Variants in WDPCP observed in about 807,000 individuals in gnomAD.
WDPCP encodes WD repeat containing planar cell polarity effector, also known as WD repeat-containing and planar cell polarity effector protein fritz homolog.
WDPCP carries 71 observed loss-of-function variants against 93.1 expected under a neutral mutation model. The observed-to-expected ratio is 0.76, with a 90% confidence interval of 0.63 to 0.93. The LOEUF (loss-of-function observed/expected upper bound fraction) is 0.93, where lower values mean the gene tolerates loss of function less well. WDPCP is among the 40% of genes least tolerant of loss of function. WDPCP has a pLI of 0.00. For missense variants in WDPCP, 844 were observed against 887.4 expected, an observed-to-expected ratio of 0.95 and a Z score of 0.62; for synonymous variants, 315 against 315.0, an observed-to-expected ratio of 1.00 and a Z score of 0.00.
intron 2 of WDPCP, among the ~76,000 whole-genome samples, chr2:63,730,863 C>T (rs1385117942): frequency 6.6e-6 from 1 of 151,814 alleles, no homozygotes; most frequent in Non-Finnish European, 1.5e-5. Flanking sequence ...TGCTGAGTTC[C>T]AATCTTTAGA....
intron 3 of WDPCP, among the ~76,000 whole-genome samples, chr2:63,603,361 A>G (rs972616473): frequency 6.6e-6 from 1 of 152,174 alleles, no homozygotes; most frequent in Non-Finnish European, 1.5e-5. Context: ...CTTTTCTTAC[A>G]TGGTAAATAC....
At chr2:63,423,291 T>C (rs1001191525) in intron 9 of WDPCP, among the ~76,000 whole-genome samples, 3 of 152,220 alleles carry the variant, frequency 2.0e-5, no homozygotes, top group Non-Finnish European at 4.4e-5. Flanking sequence ...ACACAGTATA[T>C]GCATTTTTGG....
chr2:63,439,802 C>G lies in WDPCP; in HGVS notation c.454G>C (p.Asp152His). ...SGPQLEKVVIDRSLVGKLISD... is the reference protein window; with the variant it reads ...SGPQLEKVVIHRSLVGKLISD... ...ATGAGCTTCCCCACCAGGCTTCTGT[C>G]AATCACCACTTTCTCCAGCTGCGGC... The change falls in exon 7 of 18, where the codon GAC becomes CAC. Residue 152 changes from aspartate (D) to histidine (H), a missense_variant. Coordinates refer to ENST00000272321, the MANE Select transcript of WDPCP (RefSeq NM_015910.7). The G allele has an allele frequency of 6.2e-7, 1 of 1,613,266 alleles. No individual in the cohort carries two copies. The highest frequency in any genetic ancestry group is 2.2e-5 in the East Asian group (1 of 44,870).
intron 6 of WDPCP, chr2:63,441,164 T>C (rs1352811389): frequency 2.0e-5 from 3 of 152,210 alleles, no homozygotes; most frequent in African/African-American, 7.2e-5. Context: ...TAATCATCTT[T>C]ATGGGTTTTG....
At chr2:63,775,295 C>T (rs1385639509) in intron 2 of WDPCP, among the ~76,000 whole-genome samples, 1 of 152,206 alleles carries the variant, frequency 6.6e-6, no homozygotes, top group Non-Finnish European at 1.5e-5. Context: ...ATTGTATTGG[C>T]TCTCTGAAAG....
At chr2:63,584,144 T>A (rs1389348275) in intron 1 of WDPCP, among the ~76,000 whole-genome samples, 1 of 151,504 alleles carries the variant, frequency 6.6e-6, no homozygotes, top group African/African-American at 2.4e-5. Flanking sequence ...GGAAACAGAG[T>A]GAGATGGCCT....
chr2:63,704,899 T>C (rs536444762), intron 2 of WDPCP, among the ~76,000 whole-genome samples: 16 of 152,342 alleles, frequency 1.1e-4, no homozygotes, highest in African/African-American at 3.8e-4. Flanking sequence ...GTACCTCTGG[T>C]AGAATTCGGC....
At chr2:63,379,635 A>G (rs184377605) in intron 11 of WDPCP, among the ~76,000 whole-genome samples, 71 of 152,298 alleles carry the variant, frequency 4.7e-4, no homozygotes, top group African/African-American at 1.7e-3. Flanking sequence ...TGGAATACTC[A>G]TAACTCCCAG....
chr2:63,592,677 T>C (rs1025890262), upstream of WDPCP, among the ~76,000 whole-genome samples: 1 of 152,250 alleles, frequency 6.6e-6, no homozygotes, highest in African/African-American at 2.4e-5. Context: ...ATAAAATATC[T>C]TAAAAAATTT....
rs139268528 is a variant in WDPCP, at chr2:63,271,533, G to A, written c.1813-12124C>T. Reference sequence around the variant, plus strand: ...ACTGGCATCTGAGTACACCATCTAGGGTCCTTGGGACTGACTCATCCCATC... The same window carrying A: ...ACTGGCATCTGAGTACACCATCTAGAGTCCTTGGGACTGACTCATCCCATC... On this transcript the variant is annotated intron_variant, in intron 13 of 17. Coordinates refer to ENST00000272321, the MANE Select transcript of WDPCP (RefSeq NM_015910.7). 1.3e-3 allele frequency among the ~76,000 whole-genome samples: 193 copies of A among 152,242 alleles called. 2 individuals are homozygous for A. Among genetic ancestry groups the A allele is most frequent in the African/African-American group, 4.3e-3 (177 of 41,544 alleles).
intron 12 of WDPCP, among the ~76,000 whole-genome samples, chr2:63,337,843 AT>A (rs936313383): frequency 6.6e-6 from 1 of 152,152 alleles, no homozygotes; most frequent in African/African-American, 2.4e-5. Context: ...TTTAAAAAAA[AT>A]AGGATTTTTT....
At chr2:63,503,423 A>AT in intron 1 of WDPCP, among the ~76,000 whole-genome samples, 1 of 152,172 alleles carries the variant, frequency 6.6e-6, no homozygotes, top group South Asian at 2.1e-4. Flanking sequence ...GTTGAAGTGC[A>AT]TTTTTTCCAT....
chr2:63,520,141 T>C (rs990348756), intron 1 of WDPCP, among the ~76,000 whole-genome samples: 1 of 152,044 alleles, frequency 6.6e-6, no homozygotes, highest in Admixed American at 6.6e-5. Flanking sequence ...ATCTCAGAGC[T>C]TGAAGACTGG....
chr2:63,681,099 C>G (rs1161725537), intron 2 of WDPCP, among the ~76,000 whole-genome samples: 1 of 152,102 alleles, frequency 6.6e-6, no homozygotes, highest in Non-Finnish European at 1.5e-5. Flanking sequence ...TCAGGTGAGA[C>G]CCAGCACATT....
At chr2:63,728,243 C>G (rs1373834321) in intron 2 of WDPCP, among the ~76,000 whole-genome samples, 1 of 152,200 alleles carries the variant, frequency 6.6e-6, no homozygotes, top group East Asian at 1.9e-4. Flanking sequence ...TTGCTCCTGA[C>G]CTACTAAGTG....
At chr2:63,135,805 T>C (rs1454305070) in intron 17 of WDPCP, among the ~76,000 whole-genome samples, 1 of 151,946 alleles carries the variant, frequency 6.6e-6, no homozygotes, top group Non-Finnish European at 1.5e-5. Context: ...GATTATGGCC[T>C]ACTGCAGCCT....
intron 1 of WDPCP, among the ~76,000 whole-genome samples, chr2:63,528,046 C>T (rs184059754): frequency 9.2e-5 from 14 of 152,052 alleles, no homozygotes; most frequent in East Asian, 7.7e-4. Flanking sequence ...TCATATCCTT[C>T]GCCCCCTTTT....
At chr2:63,317,578 A>C (rs1686747378) in intron 12 of WDPCP, among the ~76,000 whole-genome samples, 2 of 152,102 alleles carry the variant, frequency 1.3e-5, no homozygotes, top group South Asian at 4.1e-4. Flanking sequence ...AAACCAATAA[A>C]ACAGATTAGA....
Position 63,426,800 on chromosome 2 carries a change from TA to T in WDPCP, c.825+6944del, listed in dbSNP as rs1166778185. Among the ~76,000 whole-genome samples, 7 of 152,294 alleles carry T rather than the reference TA, an allele frequency of 4.6e-5. No homozygotes were observed. In the East Asian group the frequency reaches 1.4e-3, roughly 29 times the overall value. On this transcript the variant is annotated intron_variant, in intron 9 of 17. Coordinates refer to ENST00000272321, the MANE Select transcript of WDPCP (RefSeq NM_015910.7). ...AATAAAAAGACAAGGTCCAAGTGTTTATTGTCTTTAAGAGAGCCAATTCACA... is the reference window on the plus strand; with the variant it reads ...AATAAAAAGACAAGGTCCAAGTGTTTTTGTCTTTAAGAGAGCCAATTCACA...
Sources: gnomAD v4.1 joint callset for allele counts (sites outside exome capture counted in the v4.1 genomes callset) on GRCh38, gnomAD v4.1.1 for gene constraint, MANE v1.5 for transcripts, NCBI Gene and HGNC (gene_info 2026-07-23, HGNC 2026-07-21) for gene names.